The following DLGAP1 variants were observed in gnomAD, a reference collection of about 807,000 sequenced individuals.
DLGAP1 encodes the protein disks large-associated protein 1.
A neutral mutation model predicts 90.8 loss-of-function variants in DLGAP1; 11 were observed. The observed-to-expected ratio is 0.12, with a 90% CI of 0.08 to 0.20. DLGAP1 has a LOEUF of 0.20. Ranked by LOEUF, DLGAP1 falls within the 10% of genes least tolerant of loss-of-function variation. The pLI is 1.00. For missense variants in DLGAP1, 1,050 were observed against 1,333.8 expected (o/e 0.79, Z 3.31); for synonymous variants, 558 against 540.7 (o/e 1.03, Z -0.44).
At chr18:3,855,561 CTGT>C (rs773026936) in intron 4 of DLGAP1, among the ~76,000 whole-genome samples, 2 of 152,108 alleles carry the variant, frequency 1.3e-5, no homozygotes, top group Non-Finnish European at 2.9e-5. Flanking sequence ...GGTATATTTC[CTGT>C]TGTTTTACAA....
At chr18:4,017,949 G>C (rs192330859) in intron 2 of DLGAP1, among the ~76,000 whole-genome samples, 30 of 152,150 alleles carry the variant, frequency 2.0e-4, no homozygotes, top group Admixed American at 1.9e-3. Context: ...CTTTTCAAAA[G>C]ATACTAGCAG....
intron 3 of DLGAP1, among the ~76,000 whole-genome samples, chr18:3,904,550 G>T (rs1293967527): frequency 6.6e-6 from 1 of 152,166 alleles, no homozygotes; most frequent in African/African-American, 2.4e-5. Flanking sequence ...TAACAGCATT[G>T]ATCATCGGCA....
chr18:3,694,010 C>T lies in DLGAP1; in HGVS notation c.1591+35125G>A, dbSNP rs1234544947. On this transcript the variant is annotated intron_variant, in intron 7 of 12. Coordinates refer to ENST00000315677, the MANE Select transcript of DLGAP1 (RefSeq NM_004746.4). ...CCCATTGTCTACATTAGGTATTTCTCCTAATGCTATCCCTCCCCTAGCCAC... is the reference window on the plus strand; with the variant it reads ...CCCATTGTCTACATTAGGTATTTCTTCTAATGCTATCCCTCCCCTAGCCAC... Among the ~76,000 whole-genome samples, 4 of 152,008 alleles carry T rather than the reference C, an allele frequency of 2.6e-5. No homozygotes were observed. In the East Asian group the frequency reaches 5.8e-4, roughly 22 times the overall value.
chr18:3,650,136 T>C (rs2059245777), intron 7 of DLGAP1, among the ~76,000 whole-genome samples: 1 of 152,160 alleles, frequency 6.6e-6, no homozygotes, highest in Non-Finnish European at 1.5e-5. Context: ...CTCCACCTCC[T>C]GGATTCAAGC....
chr18:4,037,583 C>T (rs1412880192), intron 2 of DLGAP1, among the ~76,000 whole-genome samples: 1 of 152,228 alleles, frequency 6.6e-6, no homozygotes, highest in Admixed American at 6.5e-5. Context: ...TGCCTTTTCT[C>T]TTTTGGGGGC....
At chr18:4,297,542 G>A (rs1255156052) in intron 1 of DLGAP1, among the ~76,000 whole-genome samples, 1 of 152,054 alleles carries the variant, frequency 6.6e-6, no homozygotes, top group Non-Finnish European at 1.5e-5. Flanking sequence ...TATTATCCTT[G>A]GTTATTTTCA....
chr18:3,710,793 A>G (rs536489232), intron 7 of DLGAP1, among the ~76,000 whole-genome samples: 2 of 152,348 alleles, frequency 1.3e-5, no homozygotes, highest in East Asian at 3.9e-4. Flanking sequence ...AGATGTGAAC[A>G]TGGAGTTGGG....
At chr18:4,175,038 A>C (rs1224846462) in intron 1 of DLGAP1, among the ~76,000 whole-genome samples, 2 of 152,114 alleles carry the variant, frequency 1.3e-5, no homozygotes, top group African/African-American at 4.8e-5. Flanking sequence ...CTTTCTCACC[A>C]ACAGTGTAAA....
At chr18:3,678,654 T>C (rs1270368813) in intron 7 of DLGAP1, among the ~76,000 whole-genome samples, 2 of 152,152 alleles carry the variant, frequency 1.3e-5, no homozygotes, top group Non-Finnish European at 2.9e-5. Flanking sequence ...GAAAGCAAAA[T>C]AGGGCAAAAT....
At chr18:4,226,526 AT>A (rs2078191135) in intron 1 of DLGAP1, among the ~76,000 whole-genome samples, 1 of 152,050 alleles carries the variant, frequency 6.6e-6, no homozygotes, top group Admixed American at 6.6e-5. Context: ...ATAAATAGAA[AT>A]AACAAAAAGT....
chr18:4,284,473 C>T (rs1459902919), intron 1 of DLGAP1, among the ~76,000 whole-genome samples: 1 of 152,120 alleles, frequency 6.6e-6, no homozygotes, highest in African/African-American at 2.4e-5. Context: ...AATGGAGTGT[C>T]AAAGAGCCTG....
chr18:4,428,233 G>A (rs1258261159), intron 1 of DLGAP1, among the ~76,000 whole-genome samples: 1 of 152,084 alleles, frequency 6.6e-6, no homozygotes, highest in Non-Finnish European at 1.5e-5. Context: ...TTACCACCAC[G>A]CGCCTTGGTC....
chr18:4,273,824 G>A (rs777776363), intron 1 of DLGAP1, among the ~76,000 whole-genome samples: 5 of 152,130 alleles, frequency 3.3e-5, no homozygotes, highest in Non-Finnish European at 5.9e-5. Context: ...TTCTTACAAT[G>A]CTTTTTTAAT....
At chr18:4,439,744 A>G (rs1382915099) in intron 1 of DLGAP1, among the ~76,000 whole-genome samples, 4 of 151,546 alleles carry the variant, frequency 2.6e-5, no homozygotes, top group Non-Finnish European at 5.9e-5. Context: ...AAAGGGTTCA[A>G]GGTTATGGTA....
chr18:3,577,557 A>G (rs575605070), intron 8 of DLGAP1, among the ~76,000 whole-genome samples: 1 of 152,304 alleles, frequency 6.6e-6, no homozygotes, highest in South Asian at 2.1e-4. Context: ...GACGCATGGT[A>G]GTTATTTCCC....
At chr18:4,064,066 A>G (rs899276993) in intron 2 of DLGAP1, among the ~76,000 whole-genome samples, 7 of 152,022 alleles carry the variant, frequency 4.6e-5, no homozygotes, top group Non-Finnish European at 4.4e-5. Flanking sequence ...GTCTTTTAGC[A>G]TCTGGCATCA....
intron 1 of DLGAP1, among the ~76,000 whole-genome samples, chr18:4,261,734 A>C (rs1598748724): frequency 6.6e-6 from 1 of 152,158 alleles, no homozygotes; most frequent in South Asian, 2.1e-4. Flanking sequence ...AGTGGCTGTG[A>C]AAAGACATCT....
chr18:3,659,686 G>A (rs1030646455), intron 7 of DLGAP1, among the ~76,000 whole-genome samples: 2 of 151,540 alleles, frequency 1.3e-5, no homozygotes, highest in Admixed American at 6.6e-5. Context: ...CTACCTCAGC[G>A]TCCCGAGTAG....
chr18:4,136,938 T>C (rs2076411658), intron 2 of DLGAP1, among the ~76,000 whole-genome samples: 1 of 152,190 alleles, frequency 6.6e-6, no homozygotes, highest in Admixed American at 6.5e-5. Flanking sequence ...TTAGGGTACA[T>C]GTGCACAACG....
Sources: allele counts gnomAD v4.1 joint callset (sites outside exome capture counted in the v4.1 genomes callset), GRCh38; gene constraint gnomAD v4.1.1; transcripts MANE v1.5; gene names NCBI Gene and HGNC (gene_info 2026-07-23, HGNC 2026-07-21).